DENND2A: variants seen among roughly 807,000 people sequenced by gnomAD.
The protein encoded by DENND2A is DENN domain containing 2A.
A neutral mutation model predicts 105.3 loss-of-function variants in DENND2A; 53 were observed. That is an observed-to-expected ratio of 0.50 (90% CI 0.40 to 0.63). The LOEUF (loss-of-function observed/expected upper bound fraction) is 0.63. Ranked by LOEUF, DENND2A falls within the 30% of genes least tolerant of loss-of-function variation. The pLI is 0.00. For missense variants in DENND2A, 1,138 were observed against 1,279.6 expected, an observed-to-expected ratio of 0.89 and a Z score of 1.69; for synonymous variants, 522 against 508.4, an observed-to-expected ratio of 1.03 and a Z score of -0.36.
At chr7:140,637,741 T>C (rs1468333442) in intron 1 of DENND2A, among the ~76,000 whole-genome samples, 1 of 152,188 alleles carries the variant, frequency 6.6e-6, no homozygotes, top group Non-Finnish European at 1.5e-5. Flanking sequence ...TCCTGGATGC[T>C]GGCCCTTCCA....
At chr7:140,578,670 T>C (rs1245450092) in intron 5 of DENND2A, among the ~76,000 whole-genome samples, 2 of 151,210 alleles carry the variant, frequency 1.3e-5, no homozygotes, top group Non-Finnish European at 3.0e-5. Flanking sequence ...CACTTGAGGT[T>C]AGGAGTTCGA....
At position 140,632,113 on chromosome 7, in the gene DENND2A, G is replaced by C. The variant is rs534138570; in HGVS notation, c.-248+8391C>G. 2.6e-5 allele frequency among the ~76,000 whole-genome samples: 4 copies of C among 152,172 alleles called. No homozygotes were observed. The South Asian group carries it at 8.3e-4, about 32-fold the overall frequency. ...CAAATGCCTCTGCTTGGTCATCTGG[G>C]GAGGTTTAGCCTATATTTACCAGGC... On this transcript the variant is annotated intron_variant, in intron 1 of 19. Transcript: ENST00000496613.
At chr7:140,584,139 G>T (rs1798675625) in intron 5 of DENND2A, among the ~76,000 whole-genome samples, 1 of 150,066 alleles carries the variant, frequency 6.7e-6, no homozygotes, top group Admixed American at 6.6e-5. Context: ...CTACTTGGGA[G>T]GCTAAGGCAG....
intron 12 of DENND2A, among the ~76,000 whole-genome samples, 182 bp downstream of exon 12, chr7:140,555,454 T>G (rs139383592): frequency 2.0e-5 from 3 of 151,964 alleles, no homozygotes; most frequent in Non-Finnish European, 4.4e-5. Flanking sequence ...GCCTATCAAC[T>G]CTCATTTCCT....
rs561645406 is a variant in DENND2A, at chr7:140,615,939, T to C, written c.-247-10133A>G. On this transcript the variant is annotated intron_variant, in intron 1 of 19. Coordinates refer to ENST00000496613, the MANE Select transcript of DENND2A (RefSeq NM_015689.5). The stretch of plus-strand genomic sequence containing the variant: ...GGTCTACACATATAATGGAACAGTA[T>C]TCAGCCATAAAAAGGAATGAAGTTG... Among the ~76,000 whole-genome samples the C allele has an allele frequency of 6.6e-5, 10 of 152,260 alleles. No individual in the cohort carries two copies. In the East Asian group the frequency reaches 1.2e-3, roughly 18 times the overall value.
chr7:140,564,612 T>C (rs922399925), intron 9 of DENND2A, among the ~76,000 whole-genome samples: 32 of 152,194 alleles, frequency 2.1e-4, no homozygotes, highest in African/African-American at 6.3e-4. Flanking sequence ...AGTGATTTCT[T>C]TCCTAATACA....
chr7:140,598,727 T>C (rs987229534), intron 3 of DENND2A, among the ~76,000 whole-genome samples: 1 of 152,052 alleles, frequency 6.6e-6, no homozygotes, highest in Non-Finnish European at 1.5e-5. Flanking sequence ...TAGAAATAAA[T>C]GTAGCAAATA....
chr7:140,635,124 G>A (rs1316741733), intron 1 of DENND2A, among the ~76,000 whole-genome samples: 2 of 151,942 alleles, frequency 1.3e-5, no homozygotes, highest in Non-Finnish European at 2.9e-5. Context: ...TTAGCTAGGT[G>A]TGGTGGTGCG....
chr7:140,550,853 G>A (rs969855777), intron 12 of DENND2A, among the ~76,000 whole-genome samples: 4 of 152,132 alleles, frequency 2.6e-5, no homozygotes, highest in African/African-American at 7.2e-5. Context: ...TAATGGCACC[G>A]AACTGTTAAA....
chr7:140,579,120 C>T lies in DENND2A; in HGVS notation c.1246-5112G>A, dbSNP rs1277996616. Among the ~76,000 whole-genome samples, 6 of 152,092 alleles carry T rather than the reference C, an allele frequency of 3.9e-5. No individual in the cohort carries two copies. The East Asian group carries it at 9.9e-4, about 25-fold the overall frequency. ...ACCATCTGGCCAACATGGTGAAACC[C>T]CATCTCTACTAAAAATACAAAAATT... On this transcript the variant is annotated intron_variant, in intron 5 of 19. Transcript: ENST00000496613.
Position 140,523,873 on chromosome 7 carries a change from G to A in DENND2A, c.2548-449C>T, listed in dbSNP as rs188736899. On this transcript the variant is annotated intron_variant, in intron 16 of 19. Transcript: ENST00000496613. The surrounding 1 kb of genome is among the most constrained non-coding windows in gnomAD (Gnocchi z 4.5). ...CAGGCGTGAGCCACTGCACCTGGCC[G>A]AGCCTACTTTTTACAAGCAACGGGA... Among the ~76,000 whole-genome samples, 149 of 151,940 alleles carry A rather than the reference G, an allele frequency of 9.8e-4. 3 individuals are homozygous for A. Among genetic ancestry groups the A allele is most frequent in the African/African-American group, 2.9e-3 (120 of 41,240 alleles).
chr7:140,569,534 A>T (rs186221389), intron 7 of DENND2A, 111 bp downstream of exon 7: 38 of 786,392 alleles, frequency 4.8e-5, no homozygotes, highest in Non-Finnish European at 1.8e-5. Flanking sequence ...TTTACAAAGC[A>T]TCAGCTTGTT....
intron 1 of DENND2A, among the ~76,000 whole-genome samples, chr7:140,635,254 C>A (rs774379901): frequency 7.9e-5 from 12 of 151,914 alleles, no homozygotes; most frequent in African/African-American, 2.9e-4. Flanking sequence ...AAGAGCAAGA[C>A]GCTGTCTAAA....
rs904608618 is a variant in DENND2A at position 140,559,292 on chromosome 7, C to A, written c.1889+416G>T. ...AGGACCCGCAGCCTACTGAGTTTGG[C>A]CAAATGCGGAAACATCTGATAATAA... is the stretch of plus-strand genomic sequence containing the variant. On this transcript the variant is annotated intron_variant, in intron 10 of 19. Transcript: ENST00000496613. This position sits in a 1 kb window ranked among gnomAD's most constrained non-coding sequence, Gnocchi z 4.1. Among the ~76,000 whole-genome samples the A allele has an allele frequency of 6.6e-6, 1 of 152,068 alleles. No individual in the cohort carries two copies. Among genetic ancestry groups the A allele is most frequent in the Non-Finnish European group, 1.5e-5 (1 of 68,014 alleles).
chr7:140,607,002 G>A (rs565685182), intron 1 of DENND2A, among the ~76,000 whole-genome samples: 5 of 152,192 alleles, frequency 3.3e-5, no homozygotes, highest in Non-Finnish European at 7.3e-5. Flanking sequence ...GATGGGCCAC[G>A]CAGTTCTTCT....
At chr7:140,592,747 CTGCCACCA>C (rs1038647216) in intron 3 of DENND2A, among the ~76,000 whole-genome samples, 2 of 152,000 alleles carry the variant, frequency 1.3e-5, no homozygotes, top group Non-Finnish European at 1.5e-5. Context: ...TTACAGGCAC[CTGCCACCA>C]TGCCTGGCTA....
Position 140,518,590 on chromosome 7 carries a change from G to A in DENND2A, c.*117C>T, listed in dbSNP as rs533437224. On this transcript the variant is annotated 3_prime_UTR_variant, in exon 20 of 20. Coordinates refer to ENST00000496613, the MANE Select transcript of DENND2A (RefSeq NM_015689.5). ...AGCCCAGCCTCGGCCAGAAGCCACCGCGGCCTCCAGTTCCGCACCGTGACA... is the reference window on the plus strand; with the variant it reads ...AGCCCAGCCTCGGCCAGAAGCCACCACGGCCTCCAGTTCCGCACCGTGACA... 127 of 1,076,942 alleles carry A rather than the reference G, an allele frequency of 1.2e-4. No homozygotes were observed. The East Asian group carries it at 3.0e-3, about 25-fold the overall frequency. The allele number at this position is 1,076,942 out of a possible 1,614,324, so 66.7% of individuals were successfully genotyped here. A position where few individuals can be genotyped will look rare whatever the true frequency, so the allele number is the denominator to read the frequency against.
At chr7:140,624,583 C>T (rs1428057013) in intron 1 of DENND2A, among the ~76,000 whole-genome samples, 1 of 152,172 alleles carries the variant, frequency 6.6e-6, no homozygotes, top group African/African-American at 2.4e-5. Context: ...GTCTGGGGCT[C>T]ATTCACCTCC....
chr7:140,597,714 A>G (rs1454481852), intron 3 of DENND2A, among the ~76,000 whole-genome samples: 1 of 152,190 alleles, frequency 6.6e-6, no homozygotes, highest in African/African-American at 2.4e-5. Context: ...GATGACACAG[A>G]TGAAGGATTC....
Sources: allele counts gnomAD v4.1 joint callset (sites outside exome capture counted in the v4.1 genomes callset), GRCh38; gene constraint gnomAD v4.1.1; non-coding constraint Gnocchi (gnomAD v3.1); transcripts MANE v1.5; gene names NCBI Gene and HGNC (gene_info 2026-07-23, HGNC 2026-07-21).